Variants in RNF130 observed in about 807,000 individuals in gnomAD.
RNF130 encodes E3 ubiquitin-protein ligase RNF130.
In RNF130, 21 loss-of-function variants were observed where a neutral mutation model predicts 44.6. That is an observed-to-expected ratio of 0.47 (90% CI 0.33 to 0.68). The LOEUF is 0.68. RNF130 is among the 30% of genes least tolerant of loss of function. The pLI, the probability that RNF130 is intolerant of heterozygous loss-of-function variation, is 0.02. For missense variants in RNF130, 479 were observed against 560.6 expected, an observed-to-expected ratio of 0.85 and a Z score of 1.47; for synonymous variants, 214 against 210.4, an observed-to-expected ratio of 1.02 and a Z score of -0.15.
At chr5:180,018,937 C>A (rs1763806334) in intron 2 of RNF130, among the ~76,000 whole-genome samples, 1 of 152,190 alleles carries the variant, frequency 6.6e-6, no homozygotes, top group South Asian at 2.1e-4. Flanking sequence ...AGGAAGAGAA[C>A]AAATGAGCTG....
intron 1 of RNF130, 88 bp from the exon 2 acceptor site, chr5:180,040,735 C>CA (rs1453847813): frequency 7.9e-7 from 1 of 1,264,554 alleles, no homozygotes; most frequent in Non-Finnish European, 1.1e-6. Flanking sequence ...GAATACCACA[C>CA]AGAGCTAAAG....
chr5:180,044,696 G>A (rs79815759), intron 1 of RNF130, among the ~76,000 whole-genome samples: 1 of 152,146 alleles, frequency 6.6e-6, no homozygotes, highest in Non-Finnish European at 1.5e-5. Context: ...GCTGGGCATG[G>A]TGGTGGGTGC....
intron 2 of RNF130, among the ~76,000 whole-genome samples, chr5:180,017,193 T>C (rs1432139589): frequency 1.3e-5 from 2 of 152,180 alleles, no homozygotes; most frequent in Non-Finnish European, 2.9e-5. Context: ...TGCCCCTCAA[T>C]CTGGATTTGA....
At chr5:179,928,889 A>G (rs568367676) in intron 7 of RNF130, among the ~76,000 whole-genome samples, 5 of 152,256 alleles carry the variant, frequency 3.3e-5, no homozygotes, top group African/African-American at 1.2e-4. Context: ...TCGGCCTCCC[A>G]AAGTGCTGGG....
At position 179,974,618 on chromosome 5, in the gene RNF130, A is replaced by C. The variant is rs939870235; in HGVS notation, c.848+3585T>G. Among the ~76,000 whole-genome samples the C allele has an allele frequency of 2.2e-4, 34 of 152,370 alleles. 1 individual carries two copies. Among genetic ancestry groups the C allele is most frequent in the African/African-American group, 8.2e-4 (34 of 41,596 alleles). Reference sequence around the variant, plus strand: ...AGGAAAGATGGACACGAGGGTGTCCAGGCCCATCTCCCTCCCTCACGGAGG... The same window carrying C: ...AGGAAAGATGGACACGAGGGTGTCCCGGCCCATCTCCCTCCCTCACGGAGG... On this transcript the variant is annotated intron_variant, in intron 5 of 8. Transcript: ENST00000521389.
intron 3 of RNF130, among the ~76,000 whole-genome samples, chr5:179,984,750 T>C (rs902918598): frequency 1.3e-5 from 2 of 152,194 alleles, no homozygotes; most frequent in East Asian, 3.8e-4. Context: ...ACTGGTGCCA[T>C]ACAATGAAAT....
intron 7 of RNF130, among the ~76,000 whole-genome samples, chr5:179,930,848 A>T (rs248227): frequency 4.0e-5 from 6 of 151,228 alleles, no homozygotes; most frequent in African/African-American, 1.5e-4. Flanking sequence ...AGACCAGCCC[A>T]GTAAACATAA....
intron 2 of RNF130, among the ~76,000 whole-genome samples, chr5:180,020,416 C>T (rs1763844535): frequency 6.6e-6 from 1 of 152,194 alleles, no homozygotes; most frequent in South Asian, 2.1e-4. Context: ...GCCACCACCA[C>T]AGGATCCCTC....
chr5:179,980,278 G>A (rs1762802627), intron 3 of RNF130, 78 bp from the exon 4 acceptor site: 3 of 1,334,884 alleles, frequency 2.2e-6, no homozygotes, highest in Middle Eastern at 1.8e-4. Flanking sequence ...GCAATTAAAA[G>A]TATAAAGTCT....
chr5:180,024,450 G>GT (rs200694139), intron 2 of RNF130, among the ~76,000 whole-genome samples: 8 of 151,266 alleles, frequency 5.3e-5, no homozygotes, highest in East Asian at 1.9e-4. Context: ...AAAAAGTAAA[G>GT]TTTTTTTTTA....
At chr5:180,025,044 A>C (rs529947206) in intron 2 of RNF130, among the ~76,000 whole-genome samples, 95 of 152,344 alleles carry the variant, frequency 6.2e-4, no homozygotes, top group Admixed American at 1.9e-3. Flanking sequence ...GGACTGTCCC[A>C]AAATACCCCT....
chr5:180,055,366 G>GT, intron 1 of RNF130, among the ~76,000 whole-genome samples: 1 of 149,468 alleles, frequency 6.7e-6, no homozygotes, highest in Non-Finnish European at 1.5e-5. Flanking sequence ...CCAGCTAGAA[G>GT]TAAGTTAAGT....
At chr5:180,044,764 G>A (rs548073375) in intron 1 of RNF130, among the ~76,000 whole-genome samples, 1 of 152,124 alleles carries the variant, frequency 6.6e-6, no homozygotes, top group African/African-American at 2.4e-5. Context: ...CCCAGGAGGC[G>A]GAGGTTACAG....
chr5:180,055,276 A>C (rs1421278572), intron 1 of RNF130, among the ~76,000 whole-genome samples: 10 of 18,504 alleles, frequency 5.4e-4, no homozygotes, highest in Admixed American at 3.6e-3. Flanking sequence ...AAAAAAAAAA[A>C]AAAACAAAAA....
Position 180,067,916 on chromosome 5 carries a change from C to G in RNF130, c.247+3540G>C, listed in dbSNP as rs576582901. Among the ~76,000 whole-genome samples, 36 of 152,294 alleles carry G rather than the reference C, an allele frequency of 2.4e-4. 1 individual carries two copies. The South Asian group carries it at 6.0e-3, about 25-fold the overall frequency. On this transcript the variant is annotated intron_variant, in intron 1 of 8. Coordinates refer to ENST00000521389, the MANE Select transcript of RNF130 (RefSeq NM_018434.6). ...ACCGATTTCAGATTCATTAAAGGAA[C>G]CATTAAAGGCTTCGTCTAATAGGAT...
At chr5:180,070,586 G>A (rs912160746) in intron 1 of RNF130, among the ~76,000 whole-genome samples, 1 of 152,202 alleles carries the variant, frequency 6.6e-6, no homozygotes, top group Admixed American at 6.5e-5. Flanking sequence ...AGCATTCTCA[G>A]GGTGACAATG....
intron 2 of RNF130, among the ~76,000 whole-genome samples, chr5:180,025,815 C>G (rs954420394): frequency 6.6e-6 from 1 of 151,962 alleles, no homozygotes; most frequent in African/African-American, 2.4e-5. Context: ...AAACTTTAAA[C>G]GGTAAAACAA....
At chr5:180,060,316 GA>G (rs1477671238) in intron 1 of RNF130, among the ~76,000 whole-genome samples, 7 of 152,244 alleles carry the variant, frequency 4.6e-5, no homozygotes, top group Non-Finnish European at 1.0e-4. Context: ...GCTAAGCCAT[GA>G]AAGATTCACT....
intron 1 of RNF130, among the ~76,000 whole-genome samples, chr5:180,047,583 A>T (rs930255750): frequency 6.6e-6 from 1 of 151,876 alleles, no homozygotes; most frequent in Non-Finnish European, 1.5e-5. Context: ...TGTCTCTATT[A>T]AAAATACAAA....
Sources: allele counts gnomAD v4.1 joint callset (sites outside exome capture counted in the v4.1 genomes callset), GRCh38; gene constraint gnomAD v4.1.1; transcripts MANE v1.5; gene names NCBI Gene and HGNC (gene_info 2026-07-23, HGNC 2026-07-21).